B4GALNT2: variants seen among roughly 807,000 people sequenced by gnomAD.
B4GALNT2 encodes the protein beta-1,4-N-acetyl-galactosaminyltransferase 2 (SID blood group).
Under a neutral mutation model 51.1 loss-of-function variants are expected in B4GALNT2, and 42 were observed. The ratio of observed to expected loss-of-function variants is 0.82; its 90% CI spans 0.64 to 1.06. The LOEUF is 1.06. Ranked by LOEUF, B4GALNT2 falls within the 50% of genes least tolerant of loss-of-function variation. The probability of loss-of-function intolerance (pLI) is 0.00; values close to 1 mark genes in which losing one functional copy is unlikely to be tolerated. For missense variants in B4GALNT2, 602 were observed against 633.6 expected, an observed-to-expected ratio of 0.95 and a Z score of 0.54; for synonymous variants, 253 against 251.7, an observed-to-expected ratio of 1.01 and a Z score of -0.05.
intron 7 of B4GALNT2, 115 bp downstream of exon 7, chr17:49,160,756 T>G (rs1477982043): frequency 5.1e-6 from 5 of 976,722 alleles, no homozygotes; most frequent in Non-Finnish European, 8.1e-6. Flanking sequence ...AGCTCTGATA[T>G]GCTCCCTGAC....
At chr17:49,164,987 A>AT (rs374100551) in intron 8 of B4GALNT2, among the ~76,000 whole-genome samples, 4 of 151,168 alleles carry the variant, frequency 2.6e-5, no homozygotes, top group Non-Finnish European at 5.9e-5. Context: ...AATTTTTTAA[A>AT]TTTTTTTGTA....
intron 10 of B4GALNT2, among the ~76,000 whole-genome samples, chr17:49,169,147 A>G (rs887628784): frequency 1.3e-5 from 2 of 149,682 alleles, no homozygotes; most frequent in African/African-American, 4.9e-5. Context: ...TCCTTTCCCT[A>G]CAGCTCTGTC....
chr17:49,133,452 A>G (rs560799216), intron 1 of B4GALNT2, among the ~76,000 whole-genome samples: 19 of 152,352 alleles, frequency 1.2e-4, no homozygotes, highest in Non-Finnish European at 1.9e-4. Context: ...ATTAATTTTT[A>G]TAAGCTACGA....
chr17:49,161,468 A>G (rs1396282566), intron 7 of B4GALNT2, among the ~76,000 whole-genome samples: 1 of 151,978 alleles, frequency 6.6e-6, no homozygotes, highest in African/African-American at 2.4e-5. Flanking sequence ...GGAGGCGGAG[A>G]TGGGAGGATC....
the B4GALNT2 span, among the ~76,000 whole-genome samples, chr17:49,125,372 C>T: frequency 6.6e-6 from 1 of 152,126 alleles, no homozygotes; most frequent in East Asian, 1.9e-4. Context: ...GTTGGCCAGG[C>T]TGATCTCGAA....
rs1422657480 is a variant in B4GALNT2 at position 49,142,156 on chromosome 17, G to A, written c.337G>A (p.Glu113Lys). The change falls in exon 3 of 11, where the codon GAA (glutamate) becomes AAA (lysine). Residue 113 changes from glutamate (E) to lysine (K), a missense_variant. Transcript: ENST00000393354. ...AVKARRQAEFEHFQRREGLPR... is the reference protein window; with the variant it reads ...AVKARRQAEFKHFQRREGLPR... ...GAAAGCGAGGAGACAGGCTGAATTT[G>A]AACACTTTCAGAGGAGGTAATGCGG... 3.1e-6 allele frequency: 5 copies of A among 1,614,092 alleles called. No individual in the cohort carries two copies. The Admixed American group carries it at 6.7e-5, about 22-fold the overall frequency.
At position 49,142,062 on chromosome 17, in the gene B4GALNT2, T is replaced by C; in HGVS notation, c.243T>C (p.Cys81=). ...IWLFPKNQCK[C]EANKEQGGYN... ...TGTTCCCGAAAAATCAGTGCAAATG[T>C]GAAGCCAACAAAGAGCAGGGAGGTT... is the stretch of plus-strand genomic sequence containing the variant. Residue 81 remains cysteine, a synonymous_variant, in exon 3 of 11, where the codon TGT becomes TGC. Coordinates refer to ENST00000393354, the MANE Select transcript of B4GALNT2 (RefSeq NM_001159387.2). 6.2e-7 allele frequency: 1 copy of C among 1,614,162 alleles called. No individual in the cohort carries two copies. The highest frequency in any genetic ancestry group is 8.5e-7 in the Non-Finnish European group (1 of 1,180,032).
At chr17:49,165,249 T>A (rs764197645) in intron 8 of B4GALNT2, among the ~76,000 whole-genome samples, 4 of 151,190 alleles carry the variant, frequency 2.6e-5, no homozygotes, top group African/African-American at 4.9e-5. Flanking sequence ...AGGGTCTTGG[T>A]CTCTCTCTCC....
the B4GALNT2 span, among the ~76,000 whole-genome samples, chr17:49,123,768 C>G: frequency 6.6e-6 from 1 of 152,164 alleles, no homozygotes; most frequent in Admixed American, 6.5e-5. Flanking sequence ...AAGTGACATT[C>G]TTTACTTACC....
At position 49,173,955 on chromosome 17, in the gene B4GALNT2, AG is replaced by A. The variant is rs1365506760; in HGVS notation, c.*4229del. On this transcript the variant is annotated 3_prime_UTR_variant, in exon 11 of 11. Coordinates refer to ENST00000393354, the MANE Select transcript of B4GALNT2 (RefSeq NM_001159387.2). ...GGCTATGAGACTAGCATCTCCTCTAAGGTTAGAAAATGGCATAGGTAGGAAT... is the reference window on the plus strand; with the variant it reads ...GGCTATGAGACTAGCATCTCCTCTAAGTTAGAAAATGGCATAGGTAGGAAT... 7.0e-6 allele frequency: 1 copy of A among 142,614 alleles called. No individual in the cohort carries two copies. The highest frequency in any genetic ancestry group is 1.5e-5 in the Non-Finnish European group (1 of 65,592). 8.8% of individuals were successfully genotyped at this position (142,614 alleles called of 1,614,324 possible).
the B4GALNT2 span, among the ~76,000 whole-genome samples, chr17:49,122,755 T>G: frequency 6.6e-6 from 1 of 152,210 alleles, no homozygotes; most frequent in South Asian, 2.1e-4. Flanking sequence ...TTTTTGTTAG[T>G]AACCATTTTT....
chr17:49,140,746 G>T (rs2042636077), intron 1 of B4GALNT2, among the ~76,000 whole-genome samples: 1 of 130,892 alleles, frequency 7.6e-6, no homozygotes. Flanking sequence ...TTTTTGAGGA[G>T]TCTCGCTCTG....
At chr17:49,133,019 C>T in intron 1 of B4GALNT2, 1 of 1,479,928 alleles carries the variant, frequency 6.8e-7, no homozygotes, top group Non-Finnish European at 8.9e-7. Flanking sequence ...ACTCTGCACC[C>T]CCAGGAATGG....
At chr17:49,135,658 C>T (rs1418265882) in intron 1 of B4GALNT2, among the ~76,000 whole-genome samples, 2 of 152,130 alleles carry the variant, frequency 1.3e-5, no homozygotes, top group African/African-American at 2.4e-5. Flanking sequence ...CTGTTAGCCT[C>T]TGTGGTGTGT....
At chr17:49,158,855 G>A (rs1348408014) in intron 5 of B4GALNT2, among the ~76,000 whole-genome samples, 182 bp from the exon 6 acceptor site, 1 of 152,090 alleles carries the variant, frequency 6.6e-6, no homozygotes, top group Non-Finnish European at 1.5e-5. Context: ...GGGATTGGGG[G>A]CGGGGGCGCT....
At chr17:49,140,208 C>G (rs985985023) in intron 1 of B4GALNT2, among the ~76,000 whole-genome samples, 1 of 151,846 alleles carries the variant, frequency 6.6e-6, no homozygotes, top group Non-Finnish European at 1.5e-5. Flanking sequence ...TCACACCATT[C>G]TCCTGCCTCA....
Position 49,150,214 on chromosome 17 carries a change from C to G in B4GALNT2, c.354-2586C>G, listed in dbSNP as rs868772809. ...GAGGGAGGTGGGGGGGTCAGCCCCC[C>G]GCCCGGCCAGCCGCCCCGTCCGGGA... On this transcript the variant is annotated intron_variant, in intron 3 of 10. Coordinates refer to ENST00000393354, the MANE Select transcript of B4GALNT2 (RefSeq NM_001159387.2). 3.8e-3 allele frequency among the ~76,000 whole-genome samples: 450 copies of G among 117,246 alleles called. 4 individuals carry two copies. Among genetic ancestry groups the G allele is most frequent in the South Asian group, 1.0e-2 (34 of 3,402 alleles). 76.9% of individuals were successfully genotyped at this position (117,246 alleles called of 152,430 possible).
rs769007588 is a variant in B4GALNT2, at chr17:49,166,148, A to G, written c.989A>G (p.Gln330Arg). 6.2e-7 allele frequency: 1 copy of G among 1,613,914 alleles called. No individual in the cohort carries two copies. The highest frequency in any genetic ancestry group is 1.1e-5 in the South Asian group (1 of 91,068). Residue 330 changes from glutamine (Q) to arginine (R), a missense_variant, in exon 9 of 11, where the codon CAG becomes CGG. Coordinates refer to ENST00000393354, the MANE Select transcript of B4GALNT2 (RefSeq NM_001159387.2). ...WFAGRNLAIS[Q>R]VTTKYVLWVD... is the part of the protein sequence containing the mutation. ...GCTGGTAGGAACCTGGCCATATCTC[A>G]GGTCACCACCAAATACGTTCTCTGG...
chr17:49,157,524 G>A (rs560949426), intron 5 of B4GALNT2, among the ~76,000 whole-genome samples: 1 of 152,258 alleles, frequency 6.6e-6, no homozygotes, highest in South Asian at 2.1e-4. Context: ...GTTTCACCAT[G>A]TTGGCCAGGC....
Sources: gnomAD v4.1 joint callset for allele counts (sites outside exome capture counted in the v4.1 genomes callset) on GRCh38, gnomAD v4.1.1 for gene constraint, MANE v1.5 for transcripts, NCBI Gene and HGNC (gene_info 2026-07-23, HGNC 2026-07-21) for gene names.